The following CCSER1 variants were observed in gnomAD, a reference collection of about 807,000 sequenced individuals.
The protein encoded by CCSER1 is serine-rich coiled-coil domain-containing protein 1.
In CCSER1, 41 loss-of-function variants were observed where a neutral mutation model predicts 82.0. That is an observed-to-expected ratio of 0.50 (90% CI 0.39 to 0.65). The LOEUF (loss-of-function observed/expected upper bound fraction) is 0.65, where lower values mean the gene tolerates loss of function less well. Ranked by LOEUF, CCSER1 falls within the 30% of genes least tolerant of loss-of-function variation. CCSER1 has a pLI of 0.00. For synonymous variants in CCSER1, 414 were observed against 383.9 expected (o/e 1.08, Z -0.92); for missense variants, 1,119 against 1,064.2 (o/e 1.05, Z -0.72).
At chr4:90,294,940 C>A (rs1324254427) in intron 1 of CCSER1, among the ~76,000 whole-genome samples, 2 of 151,752 alleles carry the variant, frequency 1.3e-5, no homozygotes, top group African/African-American at 4.8e-5. Context: ...TTTGAATTGA[C>A]ATAAAATGTA....
chr4:90,256,461 T>C (rs765942487), intron 1 of CCSER1, among the ~76,000 whole-genome samples: 8 of 152,156 alleles, frequency 5.3e-5, no homozygotes, highest in Admixed American at 2.0e-4. Context: ...ACACAGTTTT[T>C]AAGTGTTGAT....
intron 10 of CCSER1, among the ~76,000 whole-genome samples, chr4:91,225,855 A>T (rs1226949351): frequency 6.6e-6 from 1 of 151,972 alleles, no homozygotes; most frequent in Non-Finnish European, 1.5e-5. Flanking sequence ...TTAGGAGCAG[A>T]GGTGATTCTT....
chr4:90,990,022 T>A (rs1429087159), intron 9 of CCSER1, among the ~76,000 whole-genome samples: 2 of 151,898 alleles, frequency 1.3e-5, no homozygotes, highest in Non-Finnish European at 2.9e-5. Context: ...TACAACCAGA[T>A]GCGACCTTGA....
At chr4:90,825,903 G>C (rs942290056) in intron 8 of CCSER1, among the ~76,000 whole-genome samples, 2 of 151,854 alleles carry the variant, frequency 1.3e-5, no homozygotes, top group Non-Finnish European at 2.9e-5. Flanking sequence ...TATTAGCTAA[G>C]ATGGTCTCAA....
chr4:90,668,020 C>T (rs1332682102), intron 6 of CCSER1, among the ~76,000 whole-genome samples: 1 of 152,042 alleles, frequency 6.6e-6, no homozygotes, highest in African/African-American at 2.4e-5. Context: ...GATGGTGGAG[C>T]TGTGTCAAAA....
chr4:90,408,239 C>T (rs1467527379), intron 4 of CCSER1, among the ~76,000 whole-genome samples: 2 of 152,168 alleles, frequency 1.3e-5, no homozygotes, highest in Non-Finnish European at 2.9e-5. Flanking sequence ...ACAGCAATAA[C>T]CTCTGCAGAC....
At chr4:90,702,179 A>G (rs1439182642) in intron 6 of CCSER1, among the ~76,000 whole-genome samples, 1 of 152,268 alleles carries the variant, frequency 6.6e-6, no homozygotes, top group Middle Eastern at 3.4e-3. Flanking sequence ...AGTTTTTAGC[A>G]TGAAGGGCTG....
rs535455849 is a variant in CCSER1, at chr4:91,050,562, T to C, written c.2173-35388T>C. 2.0e-5 allele frequency among the ~76,000 whole-genome samples: 3 copies of C among 152,284 alleles called. No individual in the cohort carries two copies. The East Asian group carries it at 5.8e-4, about 29-fold the overall frequency. On this transcript the variant is annotated intron_variant, in intron 9 of 10. Coordinates refer to ENST00000509176, the MANE Select transcript of CCSER1 (RefSeq NM_001145065.2). ...TCACAAATCCATTGTATTGATAACATAAATTTTGTATTTATGCAAATTAAG... is the reference window on the plus strand; with the variant it reads ...TCACAAATCCATTGTATTGATAACACAAATTTTGTATTTATGCAAATTAAG...
intron 10 of CCSER1, among the ~76,000 whole-genome samples, chr4:91,585,368 T>G (rs1763939115): frequency 6.6e-6 from 1 of 151,478 alleles, no homozygotes; most frequent in African/African-American, 2.4e-5. Context: ...TTCACTCATC[T>G]TCAACAAATG....
chr4:91,461,089 C>T (rs926306447), intron 10 of CCSER1, among the ~76,000 whole-genome samples: 1 of 152,176 alleles, frequency 6.6e-6, no homozygotes, highest in African/African-American at 2.4e-5. Flanking sequence ...CTCTCACTAT[C>T]TAGATGGTTG....
intron 9 of CCSER1, among the ~76,000 whole-genome samples, chr4:90,963,467 C>T (rs553608571): frequency 2.6e-5 from 4 of 151,890 alleles, no homozygotes; most frequent in Non-Finnish European, 5.9e-5. Flanking sequence ...GAAGTCATAA[C>T]CCACAGTAGC....
intron 4 of CCSER1, among the ~76,000 whole-genome samples, chr4:90,425,926 A>ATT (rs1560500211): frequency 3.3e-5 from 5 of 151,260 alleles, no homozygotes; most frequent in African/African-American, 9.8e-5. Flanking sequence ...TTTTTTTTAA[A>ATT]AAAAAAACGT....
intron 10 of CCSER1, among the ~76,000 whole-genome samples, chr4:91,375,434 A>G (rs1442771492): frequency 6.6e-6 from 1 of 152,168 alleles, no homozygotes; most frequent in African/African-American, 2.4e-5. Context: ...TACTGTGGGT[A>G]AAATGTTATC....
intron 10 of CCSER1, among the ~76,000 whole-genome samples, chr4:91,527,533 G>C (rs1578702860): frequency 6.6e-6 from 1 of 152,094 alleles, no homozygotes; most frequent in East Asian, 1.9e-4. Context: ...TGTGGCAATA[G>C]AAATAGAAAG....
intron 4 of CCSER1, among the ~76,000 whole-genome samples, chr4:90,421,195 A>G (rs1756641779): frequency 6.6e-6 from 1 of 152,182 alleles, no homozygotes; most frequent in Admixed American, 6.5e-5. Flanking sequence ...AATTGTGCAT[A>G]CTAAAAACAA....
At chr4:90,773,429 A>T (rs904799477) in intron 7 of CCSER1, among the ~76,000 whole-genome samples, 10 of 152,184 alleles carry the variant, frequency 6.6e-5, no homozygotes, top group South Asian at 2.1e-4. Flanking sequence ...AACTTCCTTT[A>T]GGACACTAAA....
chr4:90,725,903 T>C (rs536843682), intron 7 of CCSER1, among the ~76,000 whole-genome samples: 3 of 151,864 alleles, frequency 2.0e-5, no homozygotes. Flanking sequence ...AACTAGAAAA[T>C]AAAAGGTTGT....
In CCSER1 at chr4:91,598,784, T is replaced by C. The variant is rs1183990075; in HGVS notation, c.2430T>C (p.Tyr810=). The C allele has an allele frequency of 6.4e-7, 1 of 1,551,632 alleles. No homozygotes were observed. The highest frequency in any genetic ancestry group is 2.4e-5 in the East Asian group (1 of 40,920). Residue 810 remains tyrosine (Y), a synonymous_variant, in exon 11 of 11, where the codon TAT becomes TAC. Coordinates refer to ENST00000509176, the MANE Select transcript of CCSER1 (RefSeq NM_001145065.2). ...AEVIKHSRGT[Y]ETLTSDVTQN... is the part of the protein sequence containing the mutation. ...TTATCAAACATTCAAGAGGAACTTA[T>C]GAAACCCTCACTTCAGACGTTACAC...
At chr4:90,140,746 C>A (rs1214041611) in intron 1 of CCSER1, among the ~76,000 whole-genome samples, 3 of 139,184 alleles carry the variant, frequency 2.2e-5, no homozygotes. Flanking sequence ...CTCACTGTAA[C>A]CTCCAACTCC....
Sources: gnomAD v4.1 joint callset for allele counts (sites outside exome capture counted in the v4.1 genomes callset) on GRCh38, gnomAD v4.1.1 for gene constraint, MANE v1.5 for transcripts, NCBI Gene and HGNC (gene_info 2026-07-23, HGNC 2026-07-21) for gene names.